The following REPS1 variants were observed in gnomAD, a reference collection of about 807,000 sequenced individuals.
The protein encoded by REPS1 is RALBP1 associated Eps domain containing 1, also known as ralBP1-associated Eps domain-containing protein 1.
Under a neutral mutation model 100.9 loss-of-function variants are expected in REPS1, and 39 were observed. That is an observed-to-expected ratio of 0.39 (90% CI 0.30 to 0.50). The LOEUF is 0.50. REPS1 is among the 20% of genes least tolerant of loss of function. The pLI is 0.86. For missense variants in REPS1, 821 were observed against 968.5 expected, an observed-to-expected ratio of 0.85 and a Z score of 2.02; for synonymous variants, 324 against 340.3, an observed-to-expected ratio of 0.95 and a Z score of 0.53.
chr6:138,922,731 A>G (rs926252675), intron 10 of REPS1, among the ~76,000 whole-genome samples: 6 of 152,222 alleles, frequency 3.9e-5, no homozygotes, highest in African/African-American at 1.4e-4. Context: ...TGCGGCCGCT[A>G]AAGACTGAAT....
rs556837110 is a variant in REPS1 at position 138,979,425 on chromosome 6, T to C, written c.153+8105A>G. ...TCTACCCTGTATCTATTCCCTTTCATAGGTAAACTTCTTTAAAAGCTATCT... is the reference window on the plus strand; with the variant it reads ...TCTACCCTGTATCTATTCCCTTTCACAGGTAAACTTCTTTAAAAGCTATCT... On this transcript the variant is annotated intron_variant, in intron 1 of 19. Coordinates refer to ENST00000450536, the MANE Select transcript of REPS1 (RefSeq NM_001286611.2). Among the ~76,000 whole-genome samples the C allele has an allele frequency of 2.1e-4, 32 of 152,250 alleles. 1 individual carries two copies. In the East Asian group the frequency reaches 5.8e-3, roughly 28 times the overall value.
At chr6:138,976,303 C>T (rs1446050944) in intron 1 of REPS1, among the ~76,000 whole-genome samples, 3 of 152,104 alleles carry the variant, frequency 2.0e-5, no homozygotes, top group East Asian at 3.8e-4. Context: ...TCACTTCATG[C>T]AATTTTTTTT....
At chr6:138,948,982 T>C (rs535473604) in intron 1 of REPS1, among the ~76,000 whole-genome samples, 8 of 152,310 alleles carry the variant, frequency 5.3e-5, no homozygotes, top group South Asian at 2.1e-4. Flanking sequence ...CATGTCCTTC[T>C]GAAGAAATGT....
chr6:138,949,373 T>C (rs1782848540), intron 1 of REPS1, among the ~76,000 whole-genome samples: 1 of 152,222 alleles, frequency 6.6e-6, no homozygotes, highest in South Asian at 2.1e-4. Flanking sequence ...TTTCCTGACT[T>C]GCCCAACTTG....
At chr6:138,932,410 C>T (rs1313521551) in intron 8 of REPS1, among the ~76,000 whole-genome samples, 1 of 151,874 alleles carries the variant, frequency 6.6e-6, no homozygotes, top group Admixed American at 6.6e-5. Flanking sequence ...AAGGCAGTGG[C>T]GACAAAATAT....
chr6:138,931,216 C>T (rs1468898536), intron 8 of REPS1, among the ~76,000 whole-genome samples: 1 of 152,152 alleles, frequency 6.6e-6, no homozygotes, highest in African/African-American at 2.4e-5. Flanking sequence ...AAATAGACAT[C>T]CATATAATAT....
chr6:138,941,557 G>A, intron 7 of REPS1, 68 bp from the exon 8 acceptor site: 1 of 1,432,652 alleles, frequency 7.0e-7, no homozygotes. Flanking sequence ...TCAAAAAGAA[G>A]CAAGAGAAAT....
Position 138,907,605 on chromosome 6 carries a change from GAAGATA to G in REPS1, c.2217-11_2217-6del, listed in dbSNP as rs764754506. The G allele has an allele frequency of 2.5e-6, 4 of 1,578,130 alleles. No individual in the cohort carries two copies. The highest frequency in any genetic ancestry group is 1.3e-5 in the African/African-American group (1 of 74,140). On this transcript the variant is annotated splice_polypyrimidine_tract_variant and splice_region_variant and intron_variant, in intron 18 of 19. Transcript: ENST00000450536. ...TTCTTATCTTTCCCAACAGATCTGA[GAAGATA>G]AAGAAGGCAAAAAAACCCATAACCT...
intron 1 of REPS1, among the ~76,000 whole-genome samples, chr6:138,950,597 C>T (rs11961567): frequency 4.6e-5 from 7 of 152,028 alleles, no homozygotes; most frequent in Non-Finnish European, 1.0e-4. Context: ...CTTATGTTAC[C>T]GTTTTGTATG....
intron 1 of REPS1, among the ~76,000 whole-genome samples, chr6:138,967,453 A>G (rs1250610209): frequency 6.6e-6 from 1 of 152,222 alleles, no homozygotes; most frequent in Non-Finnish European, 1.5e-5. Context: ...ACTCAATTAA[A>G]AAGTACAGTA....
rs149599229 is a variant in REPS1, at chr6:138,983,324, G to A, written c.153+4206C>T. Reference sequence around the variant, plus strand: ...AAAATTAGCCGAGTGTGGTGGTGGCGCATGCCTGTAGTCCCAGCTACCCAG... The same window carrying A: ...AAAATTAGCCGAGTGTGGTGGTGGCACATGCCTGTAGTCCCAGCTACCCAG... On this transcript the variant is annotated intron_variant, in intron 1 of 19. Transcript: ENST00000450536. Among the ~76,000 whole-genome samples, 618 of 152,162 alleles carry A rather than the reference G, an allele frequency of 4.1e-3. 7 individuals are homozygous for A. Among genetic ancestry groups the A allele is most frequent in the African/African-American group, 0.014 (571 of 41,510 alleles).
chr6:138,987,549 G>C lies in REPS1; in HGVS notation c.134C>G (p.Pro45Arg). Residue 45 changes from proline to arginine, a missense_variant, in exon 1 of 20, where the codon CCG (proline) becomes CGG (arginine). Physicochemically the swap from Pro to Arg is moderately radical, Grantham distance 103 (BLOSUM62 -2). This residue lies in a region of REPS1 where 28 missense variants were observed against 65.3 expected (regional missense o/e 0.43). Coordinates refer to ENST00000450536, the MANE Select transcript of REPS1 (RefSeq NM_001286611.2). ...CGTTACCTGTAGGACCACGTCGTTC[G>C]GCAGCTGCGCGGCCCGGAACAGCTC... Reference protein sequence around the residue: ...VLELFRAAQLPNDVVLQIMEL... With the variant: ...VLELFRAAQLRNDVVLQIMEL... The C allele has an allele frequency of 6.5e-7, 1 of 1,549,896 alleles. No homozygotes were observed. The highest frequency in any genetic ancestry group is 8.7e-7 in the Non-Finnish European group (1 of 1,146,404).
At chr6:138,934,903 C>A (rs1245853821) in intron 8 of REPS1, among the ~76,000 whole-genome samples, 1 of 152,080 alleles carries the variant, frequency 6.6e-6, no homozygotes, top group Non-Finnish European at 1.5e-5. Flanking sequence ...GAAAAACAAT[C>A]GAGTGTTCAT....
In REPS1 at chr6:138,908,722, G is replaced by C. The variant is rs1779820878; in HGVS notation, c.2162C>G (p.Thr721Arg). 1 of 1,614,130 alleles carries C rather than the reference G, an allele frequency of 6.2e-7. No individual in the cohort carries two copies. ...DELRPEVDEH[T>R]QKTGVLAAVL... ...AGCAGCTAAGACACCCGTCTTTTGT[G>C]TATGTTCATCAACTTCTGGCCTTAA... is the stretch of plus-strand genomic sequence containing the variant. The change falls in exon 18 of 20, where the codon ACA becomes AGA. Residue 721 changes from threonine to arginine, a missense_variant. Transcript: ENST00000450536.
At chr6:138,937,771 ATG>A (rs1781952445) in intron 8 of REPS1, among the ~76,000 whole-genome samples, 1 of 152,238 alleles carries the variant, frequency 6.6e-6, no homozygotes. Flanking sequence ...CATTTCAACA[ATG>A]TGAATGTCTG....
At position 138,908,774 on chromosome 6, in the gene REPS1, G is replaced by C; in HGVS notation, c.2110C>G (p.Arg704Gly). The C allele has an allele frequency of 6.2e-7, 1 of 1,614,038 alleles. No homozygotes were observed. The highest frequency in any genetic ancestry group is 1.1e-5 in the South Asian group (1 of 91,062). The change falls in exon 18 of 20, where the codon CGA becomes GGA. Residue 704 changes from arginine to glycine, a missense_variant. By Grantham distance (125) the Arg-to-Gly change is moderately radical. Transcript: ENST00000450536. ...TPLAPPPKPV[R>G]RRLKSEDELR... ...TCATCTTCTGATTTTAATCTTCTTC[G>C]AACAGGTTTAGGTGGTGGAGCAAGT...
intron 1 of REPS1, among the ~76,000 whole-genome samples, chr6:138,962,593 A>T (rs1437624976): frequency 6.6e-6 from 1 of 152,156 alleles, no homozygotes; most frequent in African/African-American, 2.4e-5. Context: ...TAATACAAGA[A>T]TTCTAAAATA....
chr6:138,971,121 T>G (rs1362297567), intron 1 of REPS1, among the ~76,000 whole-genome samples: 1 of 152,222 alleles, frequency 6.6e-6, no homozygotes, highest in East Asian at 1.9e-4. Context: ...AAGATTTCTC[T>G]CAGGGTTCAA....
rs371271065 is a variant in REPS1, at chr6:138,915,889, T to C, written c.1689A>G (p.Leu563=). 153 of 1,613,228 alleles carry C rather than the reference T, an allele frequency of 9.5e-5. No homozygotes were observed. The highest frequency in any genetic ancestry group is 3.5e-4 in the Admixed American group (21 of 60,004). The change falls in exon 14 of 20, where the codon TTA becomes TTG. Residue 563 remains leucine (L), a synonymous_variant. Transcript: ENST00000450536. ...TGACTGTAAAGGTCCGATTCATATC[T>C]AAAGATGATGATCTAGAATGAGAGG... is the stretch of plus-strand genomic sequence containing the variant. ...PQPSHSRSSS[L]DMNRTFTVTT... is the part of the protein sequence containing the mutation.
Sources: gnomAD v4.1 joint callset for allele counts (sites outside exome capture counted in the v4.1 genomes callset) on GRCh38, gnomAD v4.1.1 for gene constraint, gnomAD v4.1.1 regional missense constraint, MANE v1.5 for transcripts, NCBI Gene and HGNC (gene_info 2026-07-23, HGNC 2026-07-21) for gene names.